Variants in AGBL1 observed in about 807,000 individuals in gnomAD.
The protein encoded by AGBL1 is cytosolic carboxypeptidase 4.
Under a neutral mutation model 118.9 loss-of-function variants are expected in AGBL1, and 130 were observed. That is an observed-to-expected ratio of 1.09 (90% CI 0.95 to 1.26). The LOEUF is 1.26. Ranked by LOEUF, AGBL1 falls within the 50% of genes most tolerant of loss-of-function variation. The pLI, the probability that AGBL1 is intolerant of heterozygous loss-of-function variation, is 0.00. For synonymous variants in AGBL1, 555 were observed against 478.9 expected (o/e 1.16, Z -2.08); for missense variants, 1,584 against 1,298.1 (o/e 1.22, Z -3.38).
intron 22 of AGBL1, among the ~76,000 whole-genome samples, chr15:86,859,185 G>A (rs1287230085): frequency 2.0e-5 from 3 of 152,196 alleles, no homozygotes; most frequent in Non-Finnish European, 4.4e-5. Flanking sequence ...TATGAGTCTA[G>A]CTGTGATAAA....
At chr15:86,818,371 T>G (rs2078894680) in intron 22 of AGBL1, among the ~76,000 whole-genome samples, 1 of 152,184 alleles carries the variant, frequency 6.6e-6, no homozygotes, top group Non-Finnish European at 1.5e-5. Context: ...GCGGCAGCAT[T>G]AGATTCTCAT....
At chr15:86,444,780 G>C in intron 18 of AGBL1, among the ~76,000 whole-genome samples, 1 of 151,974 alleles carries the variant, frequency 6.6e-6, no homozygotes, top group South Asian at 2.1e-4. Flanking sequence ...CAAGACAAGG[G>C]GCCACCCACT....
At chr15:86,584,343 G>C (rs770887600) in intron 21 of AGBL1, among the ~76,000 whole-genome samples, 1 of 151,860 alleles carries the variant, frequency 6.6e-6, no homozygotes, top group Non-Finnish European at 1.5e-5. Flanking sequence ...CTTTTAATCC[G>C]TCTTGAGTTA....
intron 22 of AGBL1, among the ~76,000 whole-genome samples, chr15:86,789,995 T>G (rs1244101695): frequency 3.3e-5 from 5 of 152,306 alleles, no homozygotes; most frequent in Middle Eastern, 3.4e-3. Context: ...TTGCTTTCTC[T>G]TATCTGATTT....
At chr15:86,433,379 C>A (rs892355229) in intron 18 of AGBL1, among the ~76,000 whole-genome samples, 1 of 144,578 alleles carries the variant, frequency 6.9e-6, no homozygotes, top group Non-Finnish European at 1.5e-5. Flanking sequence ...GCTTGTTTAG[C>A]CCCTTCTAGA....
intron 23 of AGBL1, among the ~76,000 whole-genome samples, chr15:86,953,357 G>C (rs887980790): frequency 6.7e-6 from 1 of 148,320 alleles, no homozygotes; most frequent in Non-Finnish European, 1.5e-5. Context: ...GTGTTTTGTA[G>C]TTCTTGTAGA....
chr15:86,974,554 T>C (rs1040995624), intron 23 of AGBL1, among the ~76,000 whole-genome samples: 2 of 126,678 alleles, frequency 1.6e-5, no homozygotes, highest in African/African-American at 5.9e-5. Flanking sequence ...TATATAATTA[T>C]ATAATATAAA....
intron 5 of AGBL1, among the ~76,000 whole-genome samples, chr15:86,181,792 G>A (rs899227607): frequency 6.6e-6 from 1 of 151,862 alleles, no homozygotes; most frequent in African/African-American, 2.4e-5. Context: ...ATGGTGGGGG[G>A]TAAATGATTT....
chr15:86,975,267 C>A (rs1285285469), intron 23 of AGBL1, among the ~76,000 whole-genome samples: 1 of 151,940 alleles, frequency 6.6e-6, no homozygotes, highest in African/African-American at 2.4e-5. Flanking sequence ...GGTGTCACAA[C>A]CATGGCAGAA....
At chr15:86,682,779 GATA>G (rs1241310507) in intron 22 of AGBL1, among the ~76,000 whole-genome samples, 19 of 151,946 alleles carry the variant, frequency 1.3e-4, no homozygotes, top group African/African-American at 4.1e-4. Context: ...TTATATATAA[GATA>G]ATAATAAAGC....
Position 86,667,234 on chromosome 15 carries a change from G to GTATCTATCTATCTATC in AGBL1, c.2995-7036_2995-7035insCTATCTATCTATCTAT, listed in dbSNP as rs1323977258. On this transcript the variant is annotated intron_variant, in intron 21 of 22. Transcript: ENST00000614907. ...TGTATCTATGTATGTATGTATGTAT[G>GTATCTATCTATCTATC]TATGTATGTATGTATGTATGTATCT... Among the ~76,000 whole-genome samples, 555 of 97,540 alleles carry GTATCTATCTATCTATC rather than the reference G, an allele frequency of 5.7e-3. 5 individuals are homozygous for GTATCTATCTATCTATC. The highest frequency in any genetic ancestry group is 0.028 in the East Asian group (118 of 4,266). 64.0% of individuals were successfully genotyped at this position (97,540 alleles called of 152,430 possible). A position where few individuals can be genotyped will look rare whatever the true frequency, so the allele number is the denominator to read the frequency against.
Position 86,961,732 on chromosome 15 carries a change from G to C in AGBL1, c.3222-26255G>C, listed in dbSNP as rs1214964481. ...GGGCTCAGATGTTTCTCATAGACAG[G>C]AATGAATCTCTAGTTTAGCCACTCC... is the stretch of plus-strand genomic sequence containing the variant. On this transcript the variant is annotated intron_variant, in intron 23 of 24. Coordinates refer to the AGBL1 transcript ENST00000441037. Among the ~76,000 whole-genome samples, 4 of 152,014 alleles carry C rather than the reference G, an allele frequency of 2.6e-5. No homozygotes were observed. In the East Asian group the frequency reaches 7.7e-4, roughly 29 times the overall value.
chr15:86,688,539 G>A (rs1445238534), intron 22 of AGBL1, among the ~76,000 whole-genome samples: 3 of 152,110 alleles, frequency 2.0e-5, no homozygotes, highest in Admixed American at 6.6e-5. Flanking sequence ...ATAGTCTCCC[G>A]AATATACGCA....
chr15:86,523,597 G>T (rs932815219), intron 19 of AGBL1, among the ~76,000 whole-genome samples: 2 of 152,114 alleles, frequency 1.3e-5, no homozygotes, highest in Admixed American at 1.3e-4. Context: ...TCCATATCCT[G>T]AGTCTTCATT....
intron 22 of AGBL1, among the ~76,000 whole-genome samples, chr15:86,869,639 C>T (rs1465843296): frequency 6.6e-6 from 1 of 152,098 alleles, no homozygotes. Context: ...CCAAACTTTG[C>T]TTGACTTGAT....
chr15:86,214,093 C>G (rs991509278), intron 5 of AGBL1, among the ~76,000 whole-genome samples: 1 of 152,134 alleles, frequency 6.6e-6, no homozygotes, highest in Admixed American at 6.6e-5. Context: ...GCCTTGGTAC[C>G]GCATATGGCC....
chr15:86,352,188 C>T (rs1845933), intron 17 of AGBL1, among the ~76,000 whole-genome samples: 103,997 of 152,088 alleles, frequency 0.68, 36,995 homozygotes, highest in Non-Finnish European at 0.78. Flanking sequence ...AATGAAGGTT[C>T]GGATTGTGGC....
chr15:86,314,475 T>A (rs1045292909), intron 17 of AGBL1, among the ~76,000 whole-genome samples: 1 of 152,278 alleles, frequency 6.6e-6, no homozygotes, highest in African/African-American at 2.4e-5. Flanking sequence ...TTGCTTGATA[T>A]CCAAAAGAAG....
At position 86,554,496 on chromosome 15, in the gene AGBL1, A is replaced by G. The variant is rs2089337699; in HGVS notation, c.2953A>G (p.Met985Val). The G allele has an allele frequency of 2.5e-6, 4 of 1,571,938 alleles. No individual in the cohort carries two copies. The highest frequency in any genetic ancestry group is 2.6e-6 in the Non-Finnish European group (3 of 1,160,698). ...REMGVSRSYT[M>V]ESSYCGCNQG... ...GATGGGGGTGTCCAGAAGCTACACC[A>G]TGGAAAGCAGCTACTGTGGCTGCAA... The change falls in exon 21 of 23, where the codon ATG becomes GTG. Residue 985 changes from methionine (M) to valine (V), a missense_variant. Transcript: ENST00000614907.
Sources: allele counts gnomAD v4.1 joint callset (sites outside exome capture counted in the v4.1 genomes callset), GRCh38; gene constraint gnomAD v4.1.1; transcripts MANE v1.5; gene names NCBI Gene and HGNC (gene_info 2026-07-23, HGNC 2026-07-21).